PRLR: variants seen among roughly 807,000 people sequenced by gnomAD.
The protein encoded by PRLR is hPRL receptor.
PRLR carries 13 observed loss-of-function variants against 40.2 expected under a neutral mutation model. That is an observed-to-expected ratio of 0.32 (90% CI 0.21 to 0.51). The LOEUF (loss-of-function observed/expected upper bound fraction) is 0.51, where lower values mean the gene tolerates loss of function less well. Among genes scored for constraint, PRLR ranks in the 20% least tolerant of loss-of-function variants. The probability of loss-of-function intolerance (pLI) is 0.97; values close to 1 mark genes in which losing one functional copy is unlikely to be tolerated. For missense variants in PRLR, 656 were observed against 747.3 expected, an observed-to-expected ratio of 0.88 and a Z score of 1.42; for synonymous variants, 269 against 278.7, an observed-to-expected ratio of 0.97 and a Z score of 0.35.
At chr5:35,174,246 C>T (rs578154930) in intron 1 of PRLR, among the ~76,000 whole-genome samples, 87 of 152,282 alleles carry the variant, frequency 5.7e-4, no homozygotes, top group Middle Eastern at 3.4e-3. Flanking sequence ...TAGGCCGCCA[C>T]GCCCGGCTAA....
At chr5:35,115,297 G>C (rs868430234) in intron 2 of PRLR, among the ~76,000 whole-genome samples, 4 of 152,082 alleles carry the variant, frequency 2.6e-5, no homozygotes, top group African/African-American at 2.4e-5. Context: ...CAATCCCAAG[G>C]CTCTCTTCTT....
At chr5:35,167,719 T>A (rs1774883292) in intron 1 of PRLR, among the ~76,000 whole-genome samples, 1 of 152,070 alleles carries the variant, frequency 6.6e-6, no homozygotes, top group African/African-American at 2.4e-5. Flanking sequence ...TAAGTTAACT[T>A]AAGTAGACTG....
chr5:35,151,845 A>G (rs1774350980), intron 1 of PRLR, among the ~76,000 whole-genome samples: 1 of 152,266 alleles, frequency 6.6e-6, no homozygotes, highest in Admixed American at 6.5e-5. Context: ...CAGACATAAG[A>G]CCACTGTGTT....
At chr5:35,105,225 C>T (rs928150484) in intron 2 of PRLR, among the ~76,000 whole-genome samples, 2 of 152,160 alleles carry the variant, frequency 1.3e-5, no homozygotes, top group Non-Finnish European at 2.9e-5. Flanking sequence ...CTGTACATCA[C>T]CATCATCAAA....
At chr5:35,164,374 C>T (rs889128773) in intron 1 of PRLR, among the ~76,000 whole-genome samples, 3 of 152,060 alleles carry the variant, frequency 2.0e-5, no homozygotes, top group African/African-American at 4.8e-5. Context: ...TAAGGGTGCT[C>T]AGGGAAGGGA....
chr5:35,084,545 T>C lies in PRLR; in HGVS notation c.298A>G (p.Ile100Val), dbSNP rs2228482. 60,380 of 1,606,348 alleles carry C rather than the reference T, an allele frequency of 0.038. 1,841 individuals are homozygous for C. The highest frequency in any genetic ancestry group is 0.13 in the African/African-American group (9,887 of 74,552). The change falls in exon 5 of 10, where the codon ATC (isoleucine) becomes GTC (valine). Residue 100 changes from isoleucine to valine, a missense_variant. Ile to Val is a conservative substitution (Grantham distance 29). Transcript: ENST00000618457. ...KQYTSMWRTYIMMVNATNQMG... is the reference protein window; with the variant it reads ...KQYTSMWRTYVMMVNATNQMG... ...TGGTTAGTGGCATTGACCATCATGA[T>C]GTATGTCCTCCACATGGAGGTGTAC... is the stretch of plus-strand genomic sequence containing the variant.
Position 35,065,311 on chromosome 5 carries a change from C to T in PRLR, c.1647G>A (p.Val549=). 2 of 1,614,208 alleles carry T rather than the reference C, an allele frequency of 1.2e-6. 1 individual carries two copies. The highest frequency in any genetic ancestry group is 2.2e-5 in the South Asian group (2 of 91,084). The change falls in exon 10 of 10, where the codon GTG becomes GTA. Residue 549 remains valine, a synonymous_variant. Coordinates refer to ENST00000618457, the MANE Select transcript of PRLR (RefSeq NM_000949.7). ...GGATGTTGTTATCCATGACCCCGGA[C>T]ACCTTGGCATACTCCTTATTGTTCT... is the stretch of plus-strand genomic sequence containing the variant. ...TPENNKEYAK[V]SGVMDNNILV... is the part of the protein sequence containing the mutation.
At chr5:35,189,716 C>T (rs1256157718) in intron 1 of PRLR, among the ~76,000 whole-genome samples, 2 of 152,124 alleles carry the variant, frequency 1.3e-5, no homozygotes, top group African/African-American at 4.8e-5. Context: ...TTCTTTGCAC[C>T]TCATTTAGCT....
intron 2 of PRLR, among the ~76,000 whole-genome samples, chr5:35,103,054 T>G (rs576006461): frequency 6.6e-4 from 101 of 152,264 alleles, no homozygotes; most frequent in African/African-American, 2.3e-3. Flanking sequence ...AGGTTCTGAG[T>G]GATGACTGAA....
intron 1 of PRLR, among the ~76,000 whole-genome samples, chr5:35,121,151 T>G (rs1190447297): frequency 1.3e-5 from 2 of 152,322 alleles, no homozygotes; most frequent in Non-Finnish European, 1.5e-5. Context: ...TAGTGGTGAC[T>G]ACTGTTCCCA....
At position 35,065,394 on chromosome 5, in the gene PRLR, A is replaced by G; in HGVS notation, c.1564T>C (p.Ser522Pro). The change falls in exon 10 of 10, where the codon TCA (serine) becomes CCA (proline). Residue 522 changes from serine (S) to proline (P), a missense_variant. Around this residue, in one of 3 missense-constraint regions of PRLR, gnomAD observed 469 missense variants for 491.5 expected, o/e 0.95. Coordinates refer to ENST00000618457, the MANE Select transcript of PRLR (RefSeq NM_000949.7). ...TTCTCTCTCTGTTTTGGTAGCAATG[A>G]TAATGCACCATCTTTGTTGACCTTG... is the stretch of plus-strand genomic sequence containing the variant. ...IHKVNKDGAL[S>P]LLPKQRENSG... 6.2e-7 allele frequency: 1 copy of G among 1,614,144 alleles called. No individual in the cohort carries two copies. Among genetic ancestry groups the G allele is most frequent in the Non-Finnish European group, 8.5e-7 (1 of 1,180,028 alleles).
downstream of PRLR, among the ~76,000 whole-genome samples, chr5:35,051,372 T>C (rs1384303575): frequency 2.0e-5 from 3 of 152,258 alleles, no homozygotes; most frequent in Non-Finnish European, 4.4e-5. Context: ...CAACTCAATC[T>C]CTTTTTGGTA....
chr5:35,175,457 G>T (rs1194222375), intron 1 of PRLR, among the ~76,000 whole-genome samples: 1 of 152,194 alleles, frequency 6.6e-6, no homozygotes, highest in Non-Finnish European at 1.5e-5. Flanking sequence ...TTTATAAGCA[G>T]CGTGAGGACA....
At chr5:35,121,919 A>G (rs766593914) in intron 1 of PRLR, among the ~76,000 whole-genome samples, 4 of 152,210 alleles carry the variant, frequency 2.6e-5, no homozygotes, top group Non-Finnish European at 4.4e-5. Context: ...TTTGCCAAAT[A>G]GTATTTTAGG....
chr5:35,154,701 G>T (rs2111878057), intron 1 of PRLR, among the ~76,000 whole-genome samples: 1 of 152,250 alleles, frequency 6.6e-6, no homozygotes, highest in South Asian at 2.1e-4. Context: ...TATGTTTATT[G>T]CAGCACTATT....
chr5:35,118,843 C>T (rs1036996647), intron 1 of PRLR, among the ~76,000 whole-genome samples: 37 of 151,426 alleles, frequency 2.4e-4, no homozygotes, highest in East Asian at 5.8e-4. Context: ...TGGAGTGCAA[C>T]GGCGCAATCA....
At chr5:35,074,763 A>G (rs1769966239) in intron 5 of PRLR, among the ~76,000 whole-genome samples, 1 of 152,068 alleles carries the variant, frequency 6.6e-6, no homozygotes, top group Admixed American at 6.5e-5. Context: ...TTTTGCCACA[A>G]TAAAAACAAA....
chr5:35,182,543 A>G (rs1775321562), intron 1 of PRLR, among the ~76,000 whole-genome samples: 1 of 152,226 alleles, frequency 6.6e-6, no homozygotes, highest in South Asian at 2.1e-4. Context: ...TGTCATATGC[A>G]GTTGATCATT....
chr5:35,176,245 G>C (rs1047948033), intron 1 of PRLR, among the ~76,000 whole-genome samples: 9 of 151,910 alleles, frequency 5.9e-5, no homozygotes, highest in African/African-American at 2.2e-4. Flanking sequence ...AAAAATCAAG[G>C]ACTAATTTCA....
Sources: allele counts gnomAD v4.1 joint callset (sites outside exome capture counted in the v4.1 genomes callset), GRCh38; gene constraint gnomAD v4.1.1; regional missense constraint gnomAD v4.1.1; transcripts MANE v1.5; gene names NCBI Gene and HGNC (gene_info 2026-07-23, HGNC 2026-07-21).